Variants in PLXNA2 observed in about 807,000 individuals in gnomAD.
PLXNA2 encodes the protein plexin A2.
PLXNA2 carries 91 observed loss-of-function variants against 193.5 expected under a neutral mutation model. The observed-to-expected ratio is 0.47, with a 90% CI of 0.40 to 0.56. The LOEUF (loss-of-function observed/expected upper bound fraction) is 0.56, where lower values mean the gene tolerates loss of function less well. Among genes scored for constraint, PLXNA2 ranks in the 20% least tolerant of loss-of-function variants. The pLI is 0.00. For synonymous variants in PLXNA2, 997 were observed against 1,027.3 expected (o/e 0.97, Z 0.56); for missense variants, 1,995 against 2,503.2 (o/e 0.80, Z 4.33).
intron 12 of PLXNA2, among the ~76,000 whole-genome samples, chr1:208,066,559 T>C (rs900421509): frequency 6.6e-6 from 1 of 152,254 alleles, no homozygotes; most frequent in Non-Finnish European, 1.5e-5. Context: ...TATACAATTA[T>C]GTACAGCACA....
intron 14 of PLXNA2, among the ~76,000 whole-genome samples, 191 bp downstream of exon 14, chr1:208,054,230 C>G (rs1167869889): frequency 6.6e-6 from 1 of 152,156 alleles, no homozygotes; most frequent in Non-Finnish European, 1.5e-5. Context: ...TATCACATGC[C>G]CATCTCATCC....
intron 3 of PLXNA2, among the ~76,000 whole-genome samples, chr1:208,166,394 A>T (rs965990934): frequency 6.6e-6 from 1 of 152,220 alleles, no homozygotes; most frequent in African/African-American, 2.4e-5. Flanking sequence ...CCAAAAGACA[A>T]AAAGACATGA....
Position 208,033,245 on chromosome 1 carries a change from C to G in PLXNA2, c.5055+74G>C, listed in dbSNP as rs970456451. 1.2e-5 allele frequency: 16 copies of G among 1,376,708 alleles called. No individual in the cohort carries two copies. The African/African-American group carries it at 1.3e-4, about 11-fold the overall frequency. 85.3% of individuals were successfully genotyped at this position (1,376,708 alleles called of 1,614,324 possible). On this transcript the variant is annotated intron_variant, in intron 28 of 31. Coordinates refer to ENST00000367033, the MANE Select transcript of PLXNA2 (RefSeq NM_025179.4). ...CTCTTGAAGGACACACTCCAGACAT[C>G]CTTTCTGTGTTGTGGAGGGGCAGGA...
chr1:208,075,758 T>G (rs561353331), intron 12 of PLXNA2, among the ~76,000 whole-genome samples: 36 of 152,240 alleles, frequency 2.4e-4, no homozygotes, highest in African/African-American at 8.4e-4. Flanking sequence ...TCTATTTATT[T>G]ATTTAGAGAT....
intron 3 of PLXNA2, among the ~76,000 whole-genome samples, chr1:208,174,972 T>C (rs1038987630): frequency 5.3e-5 from 8 of 152,206 alleles, no homozygotes; most frequent in Non-Finnish European, 1.5e-5. Flanking sequence ...CTGGGAACTC[T>C]GTCCAGCCCT....
intron 3 of PLXNA2, among the ~76,000 whole-genome samples, chr1:208,188,709 C>CAAA (rs1213724508): frequency 5.6e-5 from 4 of 71,496 alleles, no homozygotes; most frequent in African/African-American, 2.1e-4. Flanking sequence ...AACTCTGTCT[C>CAAA]AAAAAAAAAA....
chr1:208,235,201 C>T (rs1337396623), intron 1 of PLXNA2, among the ~76,000 whole-genome samples: 3 of 152,220 alleles, frequency 2.0e-5, no homozygotes, highest in African/African-American at 7.2e-5. Context: ...AATGTGGTCT[C>T]CTTGCAGGGC....
intron 3 of PLXNA2, among the ~76,000 whole-genome samples, chr1:208,200,577 C>CTTTTTTTTTTTTTTTTTTTTTTTTTTTTT (rs36026400): frequency 6.1e-5 from 7 of 113,996 alleles, no homozygotes; most frequent in Non-Finnish European, 6.7e-5. Flanking sequence ...CCCAATCCTT[C>CTTTTTTTTTTTTTTTTTTTTTTTTTTTTT]TTTTTTTTTT....
intron 2 of PLXNA2, among the ~76,000 whole-genome samples, chr1:208,211,095 A>G (rs1670928511): frequency 6.6e-6 from 1 of 152,208 alleles, no homozygotes; most frequent in South Asian, 2.1e-4. Flanking sequence ...TATACTTTGG[A>G]AAAGTTAATC....
In PLXNA2 at chr1:208,134,662, C is replaced by T. The variant is rs962835126; in HGVS notation, c.1506+7667G>A. On this transcript the variant is annotated intron_variant, in intron 4 of 31. Transcript: ENST00000367033. ...CTCCTCCCCAGAGGCTCAGCCAAGGCCTCCCAGCCCAGGCAGAAGGGAGGT... is the reference window on the plus strand; with the variant it reads ...CTCCTCCCCAGAGGCTCAGCCAAGGTCTCCCAGCCCAGGCAGAAGGGAGGT... 6.6e-5 allele frequency among the ~76,000 whole-genome samples: 10 copies of T among 152,314 alleles called. No individual in the cohort carries two copies. The East Asian group carries it at 1.5e-3, about 24-fold the overall frequency.
At chr1:208,051,129 G>A in intron 16 of PLXNA2, 27 bp from the exon 17 acceptor site, 10 of 1,604,454 alleles carry the variant, frequency 6.2e-6, no homozygotes, top group Non-Finnish European at 6.8e-6. Context: ...GCTCGGTTAG[G>A]TAAAAAACCC....
chr1:208,131,112 C>T lies in PLXNA2; in HGVS notation c.1506+11217G>A, dbSNP rs116175279. Among the ~76,000 whole-genome samples the T allele has an allele frequency of 1.5e-3, 225 of 152,286 alleles. 1 individual carries two copies. The highest frequency in any genetic ancestry group is 5.3e-3 in the African/African-American group (221 of 41,558). On this transcript the variant is annotated intron_variant, in intron 4 of 31. Coordinates refer to ENST00000367033, the MANE Select transcript of PLXNA2 (RefSeq NM_025179.4). Reference sequence around the variant, plus strand: ...CAACACCTTTCCCCTCCCTCAGGGGCACCCAGAGCCCTGGCCCACATACAG... The same window carrying T: ...CAACACCTTTCCCCTCCCTCAGGGGTACCCAGAGCCCTGGCCCACATACAG...
At chr1:208,206,766 GTT>G (rs896776741) in intron 3 of PLXNA2, among the ~76,000 whole-genome samples, 16,650 of 115,690 alleles carry the variant, frequency 0.14, 528 homozygotes, top group Admixed American at 0.18. Context: ...GCACATATAG[GTT>G]TTTTTTTTTT....
intron 10 of PLXNA2, 36 bp downstream of exon 10, chr1:208,084,344 C>G (rs766224499): frequency 1.2e-6 from 2 of 1,607,958 alleles, no homozygotes; most frequent in Admixed American, 3.3e-5. Context: ...GAGAGGAAGC[C>G]CTGCTCCAGG....
At chr1:208,213,760 G>A (rs945863602) in intron 2 of PLXNA2, among the ~76,000 whole-genome samples, 3 of 152,182 alleles carry the variant, frequency 2.0e-5, no homozygotes, top group African/African-American at 7.2e-5. Context: ...GAGTATCAGG[G>A]TCTTTAAGGG....
intron 4 of PLXNA2, among the ~76,000 whole-genome samples, chr1:208,111,963 C>T (rs996801261): frequency 2.6e-5 from 4 of 152,190 alleles, no homozygotes; most frequent in South Asian, 2.1e-4. Flanking sequence ...AAGCTGACCC[C>T]GGTGCTGTCT....
intron 12 of PLXNA2, among the ~76,000 whole-genome samples, chr1:208,078,832 T>C (rs1666238660): frequency 6.6e-6 from 1 of 152,164 alleles, no homozygotes; most frequent in Non-Finnish European, 1.5e-5. Context: ...CTGCCTTTAC[T>C]CTCTTCTTCC....
At chr1:208,029,462 C>A in intron 29 of PLXNA2, 1 of 1,009,458 alleles carries the variant, frequency 9.9e-7, no homozygotes, top group Non-Finnish European at 1.2e-6. Context: ...CAGCCAGGAG[C>A]CCCAGGCTCA....
At chr1:208,089,640 C>T (rs879182991) in intron 9 of PLXNA2, among the ~76,000 whole-genome samples, 3 of 152,068 alleles carry the variant, frequency 2.0e-5, no homozygotes, top group Admixed American at 2.0e-4. Flanking sequence ...GAACTCCTGG[C>T]ACATGTGAAG....
Sources: gnomAD v4.1 joint callset for allele counts (sites outside exome capture counted in the v4.1 genomes callset) on GRCh38, gnomAD v4.1.1 for gene constraint, MANE v1.5 for transcripts, NCBI Gene and HGNC (gene_info 2026-07-23, HGNC 2026-07-21) for gene names.